The following FNIP1 variants were observed in gnomAD, a reference collection of about 807,000 sequenced individuals.
FNIP1 encodes folliculin interacting protein 1, also known as folliculin-interacting protein 1.
FNIP1 carries 40 observed loss-of-function variants against 124.5 expected under a neutral mutation model. That is an observed-to-expected ratio of 0.32 (90% CI 0.25 to 0.42). FNIP1 has a LOEUF of 0.42. Ranked by LOEUF, FNIP1 falls within the 10% of genes least tolerant of loss-of-function variation. The pLI is 1.00. For missense variants in FNIP1, 1,176 were observed against 1,403.7 expected (o/e 0.84, Z 2.59); for synonymous variants, 472 against 470.6 (o/e 1.00, Z -0.04).
At chr5:131,681,253 T>C (rs747569296) in intron 11 of FNIP1, among the ~76,000 whole-genome samples, 4 of 152,146 alleles carry the variant, frequency 2.6e-5, no homozygotes, top group Non-Finnish European at 4.4e-5. Flanking sequence ...GGCGGTGGTA[T>C]TGAAGGAGCA....
intron 1 of FNIP1, among the ~76,000 whole-genome samples, chr5:131,768,418 A>C (rs1771511007): frequency 6.6e-6 from 1 of 152,146 alleles, no homozygotes; most frequent in African/African-American, 2.4e-5. Flanking sequence ...AAATGAGCTA[A>C]AACAATAGAG....
chr5:131,687,287 G>C (rs976675261), intron 11 of FNIP1, among the ~76,000 whole-genome samples: 2 of 151,824 alleles, frequency 1.3e-5, no homozygotes, highest in Admixed American at 6.6e-5. Context: ...TGTATTGTTT[G>C]TAGAGACAGA....
intron 13 of FNIP1, among the ~76,000 whole-genome samples, chr5:131,674,702 C>T (rs910609496): frequency 2.0e-5 from 3 of 151,750 alleles, no homozygotes; most frequent in African/African-American, 4.8e-5. Flanking sequence ...TGTGCAATAG[C>T]GTGAGACCCT....
intron 11 of FNIP1, among the ~76,000 whole-genome samples, chr5:131,681,520 A>G (rs933545773): frequency 6.6e-6 from 1 of 152,208 alleles, no homozygotes; most frequent in Admixed American, 6.5e-5. Flanking sequence ...ACTCCAGAGG[A>G]AAACAGAAAT....
At chr5:131,712,637 T>C (rs1769333892) in intron 6 of FNIP1, among the ~76,000 whole-genome samples, 1 of 152,188 alleles carries the variant, frequency 6.6e-6, no homozygotes, top group Non-Finnish European at 1.5e-5. Flanking sequence ...TGTAATAACA[T>C]GAAAGGGGGT....
At chr5:131,745,910 G>GT (rs1770661775) in intron 1 of FNIP1, among the ~76,000 whole-genome samples, 1 of 152,216 alleles carries the variant, frequency 6.6e-6, no homozygotes. Context: ...AGTTTGGAGA[G>GT]TAATTTTCTA....
At chr5:131,749,536 C>T (rs1205918468) in intron 1 of FNIP1, among the ~76,000 whole-genome samples, 1 of 151,760 alleles carries the variant, frequency 6.6e-6, no homozygotes, top group Non-Finnish European at 1.5e-5. Context: ...GGTTTACAGG[C>T]GTGTGCCATC....
intron 6 of FNIP1, among the ~76,000 whole-genome samples, chr5:131,715,650 GC>G (rs1344062583): frequency 6.6e-6 from 1 of 152,024 alleles, no homozygotes; most frequent in Non-Finnish European, 1.5e-5. Flanking sequence ...TTAAGAAAAT[GC>G]AGAACTTCTA....
At chr5:131,654,438 G>A (rs1211662802) in intron 15 of FNIP1, among the ~76,000 whole-genome samples, 1 of 152,170 alleles carries the variant, frequency 6.6e-6, no homozygotes, top group Non-Finnish European at 1.5e-5. Context: ...TTTACTCCTG[G>A]ATAAGCCCAG....
At chr5:131,676,517 G>C (rs994724712) in intron 13 of FNIP1, among the ~76,000 whole-genome samples, 19 of 151,986 alleles carry the variant, frequency 1.3e-4, no homozygotes, top group Admixed American at 6.5e-5. Context: ...CAGCACCTTG[G>C]GAGGCCAAGA....
intron 13 of FNIP1, 186 bp downstream of exon 13, chr5:131,677,517 A>C: frequency 1.9e-6 from 1 of 514,422 alleles, no homozygotes; most frequent in Non-Finnish European, 3.4e-6. Flanking sequence ...TTCATCTATA[A>C]GGAATGATTT....
Position 131,744,645 on chromosome 5 carries a change from T to C in FNIP1, c.138A>G (p.Val46=), listed in dbSNP as rs748575157. 3 of 1,611,820 alleles carry C rather than the reference T, an allele frequency of 1.9e-6. No individual in the cohort carries two copies. The highest frequency in any genetic ancestry group is 3.3e-5 in the Admixed American group (2 of 59,716). ...EFDPSQIRLI[V]YQDCERRGRN... is the part of the protein sequence containing the mutation. ...TCCCTCGTCTTTCACAGTCTTGATA[T>C]ACAATCAGTCGAATCTGGCTTGGAT... The change falls in exon 2 of 18, where the codon GTA becomes GTG. Residue 46 remains valine (V), a synonymous_variant. Transcript: ENST00000510461.
intron 1 of FNIP1, among the ~76,000 whole-genome samples, chr5:131,774,916 G>A (rs1175692480): frequency 6.6e-6 from 1 of 152,076 alleles, no homozygotes; most frequent in Non-Finnish European, 1.5e-5. Context: ...AACTGCTATG[G>A]TATCTTCTAT....
At chr5:131,716,182 T>C (rs1445624830) in intron 6 of FNIP1, among the ~76,000 whole-genome samples, 2 of 152,196 alleles carry the variant, frequency 1.3e-5, no homozygotes, top group African/African-American at 4.8e-5. Context: ...AAAATAACTT[T>C]TATGGTTATG....
intron 15 of FNIP1, among the ~76,000 whole-genome samples, chr5:131,667,914 A>G (rs895573502): frequency 6.6e-6 from 1 of 152,178 alleles, no homozygotes; most frequent in African/African-American, 2.4e-5. Flanking sequence ...AACTTTTTAA[A>G]TTGAGAGGTG....
chr5:131,699,013 A>G lies in FNIP1; in HGVS notation c.1117-11T>C. The G allele has an allele frequency of 6.3e-7, 1 of 1,598,004 alleles. No individual in the cohort carries two copies. Among genetic ancestry groups the G allele is most frequent in the Non-Finnish European group, 8.5e-7 (1 of 1,174,604 alleles). ...GCTCATTTTCATAGCCTTGAAAACA[A>G]TCATTGAGATAGTTAATTCTTATGT... On this transcript the variant is annotated splice_polypyrimidine_tract_variant and intron_variant, in intron 10 of 17. Transcript: ENST00000510461.
rs1767780824 is a variant in FNIP1, at chr5:131,672,253, T to G, written c.2191A>C (p.Lys731Gln). The G allele has an allele frequency of 6.2e-7, 1 of 1,614,206 alleles. No homozygotes were observed. The highest frequency in any genetic ancestry group is 8.5e-7 in the Non-Finnish European group (1 of 1,180,016). ...AMRSTGMVVE[K>Q]KPPDKIVPAS... Reference sequence around the variant, plus strand: ...GGCACAATCTTATCTGGAGGTTTTTTTTCCACAACCATTCCTGTGGATCTC... The same window carrying G: ...GGCACAATCTTATCTGGAGGTTTTTGTTCCACAACCATTCCTGTGGATCTC... Residue 731 changes from lysine to glutamine, a missense_variant, in exon 14 of 18, where the codon AAA (lysine) becomes CAA (glutamine). By Grantham distance (53) the Lys-to-Gln change is moderately conservative (BLOSUM62 1). Transcript: ENST00000510461.
chr5:131,702,044 G>A (rs1353789548), intron 10 of FNIP1, among the ~76,000 whole-genome samples: 1 of 152,232 alleles, frequency 6.6e-6, no homozygotes, highest in Non-Finnish European at 1.5e-5. Context: ...TCGCCAAGAT[G>A]TTAACGATAG....
At chr5:131,788,694 C>CAAAAAAA (rs10715343) in intron 1 of FNIP1, among the ~76,000 whole-genome samples, 2 of 58,106 alleles carry the variant, frequency 3.4e-5, no homozygotes, top group African/African-American at 5.3e-5. Flanking sequence ...GACTCTGTCT[C>CAAAAAAA]AAAAAAAAAA....
Sources: allele counts gnomAD v4.1 joint callset (sites outside exome capture counted in the v4.1 genomes callset), GRCh38; gene constraint gnomAD v4.1.1; transcripts MANE v1.5; gene names NCBI Gene and HGNC (gene_info 2026-07-23, HGNC 2026-07-21).